Variants in LRP5 observed in about 807,000 individuals in gnomAD.
LRP5 encodes the protein LDL receptor related protein 5.
LRP5 carries 62 observed loss-of-function variants against 154.1 expected under a neutral mutation model. The ratio of observed to expected loss-of-function variants is 0.40; its 90% CI spans 0.33 to 0.50. The LOEUF (loss-of-function observed/expected upper bound fraction) is 0.50. LRP5 is among the 20% of genes least tolerant of loss of function. The pLI, the probability that LRP5 is intolerant of heterozygous loss-of-function variation, is 0.55. For synonymous variants in LRP5, 966 were observed against 1,011.5 expected (o/e 0.96, Z 0.85); for missense variants, 1,915 against 2,336.7 (o/e 0.82, Z 3.72).
intron 3 of LRP5, among the ~76,000 whole-genome samples, chr11:68,361,048 G>A (rs1216522370): frequency 2.2e-5 from 3 of 135,044 alleles, no homozygotes; most frequent in African/African-American, 5.5e-5. Context: ...GCTCACGCCT[G>A]TAATCCCAGC....
At chr11:68,431,600 C>T (rs999206262) in intron 17 of LRP5, among the ~76,000 whole-genome samples, 2 of 152,110 alleles carry the variant, frequency 1.3e-5, no homozygotes, top group African/African-American at 4.8e-5. Flanking sequence ...CCCAGGAGCT[C>T]GGGGAGTAGG....
At chr11:68,442,878 C>T (rs920443962) in intron 21 of LRP5, among the ~76,000 whole-genome samples, 2 of 152,172 alleles carry the variant, frequency 1.3e-5, no homozygotes, top group African/African-American at 2.4e-5. Context: ...CTGCTTCCCC[C>T]GCACCCTGAA....
chr11:68,313,270 G>GA (rs1260282142), intron 1 of LRP5, among the ~76,000 whole-genome samples: 1 of 151,888 alleles, frequency 6.6e-6, no homozygotes, highest in Non-Finnish European at 1.5e-5. Flanking sequence ...GTTGCAGCGA[G>GA]AAAGTTCTGA....
At chr11:68,421,796 GGTGTGTGT>G (rs368616925) in intron 13 of LRP5, among the ~76,000 whole-genome samples, 1 of 109,186 alleles carries the variant, frequency 9.2e-6, no homozygotes, top group Admixed American at 8.4e-5. Context: ...GTGTGTGTGG[GGTGTGTGT>G]GTGTGTGTGC....
the LRP5 span, among the ~76,000 whole-genome samples, chr11:68,298,858 C>T: frequency 4.6e-5 from 7 of 152,174 alleles, no homozygotes; most frequent in African/African-American, 1.2e-4. Flanking sequence ...TGATGACTTC[C>T]TTTCCCATCC....
chr11:68,350,725 A>G (rs1467377955), intron 2 of LRP5, among the ~76,000 whole-genome samples: 2 of 152,212 alleles, frequency 1.3e-5, no homozygotes, highest in Non-Finnish European at 2.9e-5. Context: ...GCAGAGTGCC[A>G]TGTGGCCAAG....
In LRP5 at chr11:68,345,534, G is replaced by A. The variant is rs113784886; in HGVS notation, c.92-2313G>A. 1.4e-4 allele frequency among the ~76,000 whole-genome samples: 22 copies of A among 152,152 alleles called. 1 individual carries two copies. In the East Asian group the frequency reaches 2.5e-3, roughly 17 times the overall value. ...ACTCCTGACCTCAGGTGATCCACCC[G>A]CCTCAGCCTCCCAAAGTGCTGGGAT... On this transcript the variant is annotated intron_variant, in intron 1 of 22. Coordinates refer to ENST00000294304, the MANE Select transcript of LRP5 (RefSeq NM_002335.4).
chr11:68,412,242 G>A (rs1055368080), intron 11 of LRP5, among the ~76,000 whole-genome samples: 1 of 152,206 alleles, frequency 6.6e-6, no homozygotes, highest in Non-Finnish European at 1.5e-5. Flanking sequence ...TTCTGCTAGA[G>A]TAGTTAGCTG....
intron 5 of LRP5, among the ~76,000 whole-genome samples, chr11:68,385,822 G>A (rs1341726799): frequency 2.6e-5 from 4 of 152,084 alleles, no homozygotes; most frequent in African/African-American, 9.7e-5. Context: ...TGGAGAGGAG[G>A]GAGCGATGAA....
chr11:68,396,340 T>G (rs2098649342), intron 7 of LRP5, among the ~76,000 whole-genome samples: 1 of 152,144 alleles, frequency 6.6e-6, no homozygotes, highest in Non-Finnish European at 1.5e-5. Context: ...GCCGCTCACC[T>G]TTGCTGGGGA....
At chr11:68,324,050 G>C (rs1350753281) in intron 1 of LRP5, among the ~76,000 whole-genome samples, 2 of 152,252 alleles carry the variant, frequency 1.3e-5, no homozygotes, top group Admixed American at 1.3e-4. Context: ...CTCCTGACCT[G>C]CCATGCAGGG....
At chr11:68,424,684 G>T (rs1391502793) in intron 14 of LRP5, among the ~76,000 whole-genome samples, 3 of 152,212 alleles carry the variant, frequency 2.0e-5, no homozygotes, top group Non-Finnish European at 2.9e-5. Flanking sequence ...TGTGGGCAGG[G>T]CCCTGCGCCC....
chr11:68,448,891 T>G lies in LRP5; in HGVS notation c.4669T>G (p.Trp1557Gly), dbSNP rs1445620341. 5.6e-6 allele frequency: 9 copies of G among 1,613,486 alleles called. No individual in the cohort carries two copies. The highest frequency in any genetic ancestry group is 6.8e-6 in the Non-Finnish European group (8 of 1,180,016). Reference sequence around the variant, plus strand: ...TGACAGCGACTACAGCGCCAGCCGCTGGAAGGCCAGCAAGTACTACCTGGA... The same window carrying G: ...TGACAGCGACTACAGCGCCAGCCGCGGGAAGGCCAGCAAGTACTACCTGGA... The part of the protein sequence containing the change: ...VCDSDYSASR[W>G]KASKYYLDLN... Residue 1557 changes from tryptophan (W) to glycine (G), a missense_variant, in exon 23 of 23, where the codon TGG (tryptophan) becomes GGG (glycine). This residue lies in a region of LRP5 where 1,094 missense variants were observed against 1,210.1 expected (regional missense o/e 0.90). Transcript: ENST00000294304.
At chr11:68,301,439 C>T in the LRP5 span, among the ~76,000 whole-genome samples, 1 of 148,110 alleles carries the variant, frequency 6.8e-6, no homozygotes, top group African/African-American at 2.4e-5. Context: ...TGTGCCACTG[C>T]ACTCCAGCCT....
chr11:68,371,175 G>A (rs1478518620), intron 5 of LRP5, among the ~76,000 whole-genome samples: 1 of 152,202 alleles, frequency 6.6e-6, no homozygotes, highest in Non-Finnish European at 1.5e-5. Context: ...TTAGAGTTGA[G>A]AAGAAACCTA....
At chr11:68,402,072 C>G (rs2098652896) in intron 7 of LRP5, among the ~76,000 whole-genome samples, 1 of 152,212 alleles carries the variant, frequency 6.6e-6, no homozygotes, top group Admixed American at 6.5e-5. Flanking sequence ...ATCTGCCTTA[C>G]AGTTTTGCCA....
upstream of LRP5, among the ~76,000 whole-genome samples, chr11:68,308,132 T>A (rs2153108911): frequency 6.6e-6 from 1 of 152,356 alleles, no homozygotes; most frequent in African/African-American, 2.4e-5. Context: ...TGCGGCAGCC[T>A]GAGGAATGAG....
At position 68,363,800 on chromosome 11, in the gene LRP5, G is replaced by A. The variant is rs539068423; in HGVS notation, c.740G>A (p.Gly247Glu). The change falls in exon 4 of 23, where the codon GGG becomes GAG. Residue 247 changes from glycine (G) to glutamate (E), a missense_variant. Transcript: ENST00000294304. Reference sequence around the variant, plus strand: ...CACCCCTTCGCCCTGACGCTCTCCGGGGACACTCTGTACTGGACAGACTGG... The same window carrying A: ...CACCCCTTCGCCCTGACGCTCTCCGAGGACACTCTGTACTGGACAGACTGG... ...LTHPFALTLS[G>E]DTLYWTDWQT... 6.2e-7 allele frequency: 1 copy of A among 1,613,088 alleles called. No individual in the cohort carries two copies. Among genetic ancestry groups the A allele is most frequent in the South Asian group, 1.1e-5 (1 of 91,030 alleles).
intron 7 of LRP5, among the ~76,000 whole-genome samples, chr11:68,399,241 C>G (rs1375555307): frequency 6.6e-6 from 1 of 151,908 alleles, no homozygotes; most frequent in South Asian, 2.1e-4. Flanking sequence ...TGTGGTGGCT[C>G]ACGCCTGTGG....
Sources: gnomAD v4.1 joint callset for allele counts (sites outside exome capture counted in the v4.1 genomes callset) on GRCh38, gnomAD v4.1.1 for gene constraint, gnomAD v4.1.1 regional missense constraint, MANE v1.5 for transcripts, NCBI Gene and HGNC (gene_info 2026-07-23, HGNC 2026-07-21) for gene names.